The following CNTN5 variants were observed in gnomAD, a reference collection of about 807,000 sequenced individuals.
The protein encoded by CNTN5 is contactin 5.
In CNTN5, 77 loss-of-function variants were observed where a neutral mutation model predicts 129.1. The observed-to-expected ratio is 0.60, with a 90% confidence interval of 0.50 to 0.72. The LOEUF is 0.72. Ranked by LOEUF, CNTN5 falls within the 30% of genes least tolerant of loss-of-function variation. The pLI is 0.00. For synonymous variants in CNTN5, 509 were observed against 465.6 expected, an observed-to-expected ratio of 1.09 and a Z score of -1.20; for missense variants, 1,478 against 1,328.8, an observed-to-expected ratio of 1.11 and a Z score of -1.75.
intron 6 of CNTN5, among the ~76,000 whole-genome samples, chr11:99,883,032 T>C (rs1444909861): frequency 1.3e-5 from 2 of 152,200 alleles, no homozygotes; most frequent in East Asian, 3.9e-4. Flanking sequence ...ATCCATGTTG[T>C]TGCAAATGAA....
At chr11:99,722,169 G>C (rs1215322314) in intron 3 of CNTN5, among the ~76,000 whole-genome samples, 1 of 152,116 alleles carries the variant, frequency 6.6e-6, no homozygotes, top group Admixed American at 6.6e-5. Context: ...AATCCATAAA[G>C]ATATATGCAT....
At chr11:100,313,148 G>A (rs912205625) in intron 21 of CNTN5, among the ~76,000 whole-genome samples, 3 of 152,018 alleles carry the variant, frequency 2.0e-5, no homozygotes, top group Non-Finnish European at 4.4e-5. Flanking sequence ...ACAATTTAAG[G>A]AGGGAAGTCA....
At chr11:100,225,170 G>C (rs938593639) in intron 16 of CNTN5, 1 of 155,006 alleles carries the variant, frequency 6.5e-6, no homozygotes, top group African/African-American at 2.4e-5. Flanking sequence ...TGAAAAGCTA[G>C]TGGAACCCCC....
chr11:99,052,000 G>A (rs536832567), intron 1 of CNTN5, among the ~76,000 whole-genome samples: 2 of 151,844 alleles, frequency 1.3e-5, no homozygotes, highest in Non-Finnish European at 1.5e-5. Flanking sequence ...TAAAGAAAGT[G>A]TAGTTCAGTA....
chr11:99,716,157 G>C (rs6590287), intron 3 of CNTN5, among the ~76,000 whole-genome samples: 43,370 of 151,764 alleles, frequency 0.29, 6,284 homozygotes, highest in South Asian at 0.34. Context: ...TCTTTCTTTA[G>C]TTGTGAACTC....
At chr11:99,792,766 C>G in intron 3 of CNTN5, among the ~76,000 whole-genome samples, 1 of 152,078 alleles carries the variant, frequency 6.6e-6, no homozygotes. Flanking sequence ...TGGGCATTCT[C>G]TGGTTGGTAG....
chr11:99,401,566 G>A (rs1210057043), intron 2 of CNTN5, among the ~76,000 whole-genome samples: 1 of 152,136 alleles, frequency 6.6e-6, no homozygotes, highest in African/African-American at 2.4e-5. Flanking sequence ...TGGTTGTTCT[G>A]TACTTTTGTG....
At chr11:99,037,782 C>CTTGG (rs1863817825) in intron 1 of CNTN5, among the ~76,000 whole-genome samples, 2 of 151,468 alleles carry the variant, frequency 1.3e-5, no homozygotes, top group Admixed American at 1.3e-4. Flanking sequence ...GTTTCACCAT[C>CTTGG]TTGGCCAGGC....
intron 1 of CNTN5, among the ~76,000 whole-genome samples, chr11:99,287,932 T>C (rs576594223): frequency 6.6e-6 from 1 of 151,898 alleles, no homozygotes; most frequent in Admixed American, 6.6e-5. Flanking sequence ...AGTAGGAGGA[T>C]TGTTGTTCCA....
At position 100,133,349 on chromosome 11, in the gene CNTN5, A is replaced by G. The variant is rs186869866; in HGVS notation, c.1581-57777A>G. On this transcript the variant is annotated intron_variant, in intron 13 of 24. Transcript: ENST00000524871. Reference sequence around the variant, plus strand: ...TTCCATTTAGGATGTCCAGCTGGCTAATGGGATTCATTTTGGTTTGTTGTC... The same window carrying G: ...TTCCATTTAGGATGTCCAGCTGGCTGATGGGATTCATTTTGGTTTGTTGTC... Among the ~76,000 whole-genome samples the G allele has an allele frequency of 1.7e-3, 253 of 152,232 alleles. 4 individuals are homozygous for G. The highest frequency in any genetic ancestry group is 7.7e-4 in the East Asian group (4 of 5,180).
At chr11:99,329,466 G>C (rs1263646310) in intron 2 of CNTN5, among the ~76,000 whole-genome samples, 1 of 152,056 alleles carries the variant, frequency 6.6e-6, no homozygotes, top group Non-Finnish European at 1.5e-5. Context: ...ATCCACCTCT[G>C]CTCACAAACA....
chr11:100,358,173 G>C lies in CNTN5; in HGVS notation c.*1953G>C, dbSNP rs1330027905. On this transcript the variant is annotated 3_prime_UTR_variant, in exon 25 of 25. Coordinates refer to ENST00000524871, the MANE Select transcript of CNTN5 (RefSeq NM_014361.4). Reference sequence around the variant, plus strand: ...TGCAAAATAATTTTACGTATTTCATGAATCAAGCCATTTTCTTCATTTTCC... The same window carrying C: ...TGCAAAATAATTTTACGTATTTCATCAATCAAGCCATTTTCTTCATTTTCC... 2 of 151,886 alleles carry C rather than the reference G, an allele frequency of 1.3e-5. No homozygotes were observed. The highest frequency in any genetic ancestry group is 4.8e-5 in the African/African-American group (2 of 41,424). The allele number at this position is 151,886 out of a possible 1,614,324, so 9.4% of individuals were successfully genotyped here.
intron 1 of CNTN5, among the ~76,000 whole-genome samples, chr11:99,233,792 A>G (rs1861128788): frequency 6.6e-6 from 1 of 152,036 alleles, no homozygotes. Flanking sequence ...TAAAAATACA[A>G]AAAATTAGTC....
rs539754347 is a variant in CNTN5 at position 100,030,595 on chromosome 11, T to A, written c.980+28459T>A. On this transcript the variant is annotated intron_variant, in intron 9 of 24. Coordinates refer to ENST00000524871, the MANE Select transcript of CNTN5 (RefSeq NM_014361.4). ...GCCTCATTGTCCGCTTGTCTCTATT[T>A]GACTTTGGTGTATACCCTGTAGAAC... Among the ~76,000 whole-genome samples, 41 of 152,332 alleles carry A rather than the reference T, an allele frequency of 2.7e-4. 1 individual carries two copies. The South Asian group carries it at 8.1e-3, about 30-fold the overall frequency.
chr11:99,808,970 A>G (rs549692384), intron 3 of CNTN5, among the ~76,000 whole-genome samples: 8 of 152,274 alleles, frequency 5.3e-5, no homozygotes, highest in African/African-American at 1.9e-4. Context: ...GGTAAAATAT[A>G]AAGAAGTTTA....
At chr11:99,780,194 A>T (rs1217288226) in intron 3 of CNTN5, among the ~76,000 whole-genome samples, 1 of 151,882 alleles carries the variant, frequency 6.6e-6, no homozygotes, top group Non-Finnish European at 1.5e-5. Flanking sequence ...CCCCCTTCAG[A>T]TTAATTAAGC....
intron 2 of CNTN5, among the ~76,000 whole-genome samples, chr11:99,423,358 C>T (rs1470967178): frequency 6.6e-6 from 1 of 152,250 alleles, no homozygotes; most frequent in South Asian, 2.1e-4. Context: ...GAGATAGGAA[C>T]CTTATTTTCC....
chr11:99,045,535 A>G (rs570491626), intron 1 of CNTN5, among the ~76,000 whole-genome samples: 3 of 152,236 alleles, frequency 2.0e-5, no homozygotes, highest in Non-Finnish European at 4.4e-5. Context: ...GAGAACTGCA[A>G]TAAATTACAA....
At chr11:100,268,765 T>C (rs111854324) in intron 17 of CNTN5, among the ~76,000 whole-genome samples, 2,849 of 152,200 alleles carry the variant, frequency 0.019, 103 homozygotes, top group African/African-American at 0.066. Flanking sequence ...TAGTTTGAAG[T>C]CATAGATGCC....
Sources: allele counts gnomAD v4.1 joint callset (sites outside exome capture counted in the v4.1 genomes callset), GRCh38; gene constraint gnomAD v4.1.1; transcripts MANE v1.5; gene names NCBI Gene and HGNC (gene_info 2026-07-23, HGNC 2026-07-21).